Variants in HDGFL2 observed in about 807,000 individuals in gnomAD.
HDGFL2 encodes the protein hepatoma-derived growth factor-related protein 2.
HDGFL2 carries 36 observed loss-of-function variants against 77.1 expected under a neutral mutation model. The observed-to-expected ratio is 0.47, with a 90% confidence interval of 0.36 to 0.62. HDGFL2 has a LOEUF of 0.62. Among genes scored for constraint, HDGFL2 ranks in the 20% least tolerant of loss-of-function variants. The pLI is 0.00. For synonymous variants in HDGFL2, 463 were observed against 413.1 expected (o/e 1.12, Z -1.46); for missense variants, 976 against 973.4 (o/e 1.00, Z -0.04).
intron 3 of HDGFL2, among the ~76,000 whole-genome samples, chr19:4,482,330 C>T (rs1415587027): frequency 1.3e-5 from 2 of 152,034 alleles, no homozygotes; most frequent in East Asian, 1.9e-4. Context: ...CTGTCTCAGC[C>T]TCCCAAGTAG....
intron 3 of HDGFL2, among the ~76,000 whole-genome samples, chr19:4,481,018 G>T (rs1193104015): frequency 9.5e-6 from 1 of 104,942 alleles, no homozygotes; most frequent in Non-Finnish European, 2.0e-5. Flanking sequence ...CACCAAACCC[G>T]GCTAATTTTT....
chr19:4,486,146 A>G (rs1361088872), intron 3 of HDGFL2, among the ~76,000 whole-genome samples: 1 of 151,888 alleles, frequency 6.6e-6, no homozygotes, highest in Admixed American at 6.6e-5. Context: ...GTGACGGGCA[A>G]TCACTCGGTC....
chr19:4,483,443 C>G (rs988589634), intron 3 of HDGFL2, among the ~76,000 whole-genome samples: 5 of 152,328 alleles, frequency 3.3e-5, no homozygotes, highest in South Asian at 2.1e-4. Context: ...CCTGGCCCCC[C>G]CTCTTGACCA....
intron 3 of HDGFL2, among the ~76,000 whole-genome samples, chr19:4,476,317 C>T (rs759668876): frequency 2.7e-5 from 4 of 146,926 alleles, no homozygotes; most frequent in African/African-American, 1.0e-4. Context: ...CTCAGACGCC[C>T]GAGTTGCTGG....
chr19:4,494,030 G>A lies in HDGFL2; in HGVS notation c.887G>A (p.Arg296Gln), dbSNP rs764361519. Residue 296 changes from arginine to glutamine, a missense_variant, in exon 8 of 16, where the codon CGG becomes CAG. Arg to Gln is a conservative substitution (Grantham distance 43). Transcript: ENST00000616600. ...CGAGGGCGGAAACCGAAGCCTGAAC[G>A]GCCTCCGTCCAGCTCCAGCAGTGAC... Reference protein sequence around the residue: ...KPRGRKPKPERPPSSSSSDSD... With the variant: ...KPRGRKPKPEQPPSSSSSDSD... 19 of 1,610,946 alleles carry A rather than the reference G, an allele frequency of 1.2e-5. No individual in the cohort carries two copies. The highest frequency in any genetic ancestry group is 2.7e-5 in the African/African-American group (2 of 74,910).
chr19:4,500,948 G>C (rs1226854480), intron 14 of HDGFL2, among the ~76,000 whole-genome samples: 1 of 152,184 alleles, frequency 6.6e-6, no homozygotes, highest in East Asian at 1.9e-4. Context: ...TCTCAGGGCT[G>C]CCCACGTTCC....
At chr19:4,495,033 A>T (rs770939168) in intron 9 of HDGFL2, among the ~76,000 whole-genome samples, 1 of 152,030 alleles carries the variant, frequency 6.6e-6, no homozygotes, top group Non-Finnish European at 1.5e-5. Context: ...TTCTCTTTTA[A>T]ATAGAGTAGA....
chr19:4,498,679 G>A (rs903998543), intron 12 of HDGFL2, 135 bp from the exon 13 acceptor site: 16 of 644,436 alleles, frequency 2.5e-5, no homozygotes, highest in African/African-American at 1.3e-4. Flanking sequence ...CTGGACGGGG[G>A]CTGAGGGGAG....
intron 10 of HDGFL2, chr19:4,496,815 G>A: frequency 2.6e-6 from 1 of 384,688 alleles, no homozygotes; most frequent in Admixed American, 3.3e-5. Flanking sequence ...CCGGCCTAGG[G>A]GTTTGCATCT....
At position 4,501,960 on chromosome 19, in the gene HDGFL2, G is replaced by C; in HGVS notation, c.1966G>C (p.Glu656Gln). 6.6e-7 allele frequency: 1 copy of C among 1,504,056 alleles called. No individual in the cohort carries two copies. Among genetic ancestry groups the C allele is most frequent in the Non-Finnish European group, 8.8e-7 (1 of 1,132,712 alleles). The allele number at this position is 1,504,056 out of a possible 1,614,324, so 93.2% of individuals were successfully genotyped here. ...GGACAGGCCTGGGAGCGACCGGCAG[G>C]AGCGCGAGAGGGCACGGGGGGACTC... ...DLDRPGSDRQ[E>Q]RERARGDSEA... The change falls in exon 16 of 16, where the codon GAG (glutamate) becomes CAG (glutamine). Residue 656 changes from glutamate (E) to glutamine (Q), a missense_variant. By Grantham distance (29) the Glu-to-Gln change is conservative. Transcript: ENST00000616600.
In HDGFL2 at chr19:4,494,492, C is replaced by T; in HGVS notation, c.1224+17C>T. ...GAGAGAGAGGTGAGCCGGGAGGGCGCCGGGAGTCCCTGCCTTCACTCCACA... is the reference window on the plus strand; with the variant it reads ...GAGAGAGAGGTGAGCCGGGAGGGCGTCGGGAGTCCCTGCCTTCACTCCACA... On this transcript the variant is annotated intron_variant, in intron 9 of 15. Coordinates refer to ENST00000616600, the MANE Select transcript of HDGFL2 (RefSeq NM_001001520.3). 7.3e-7 allele frequency: 1 copy of T among 1,367,418 alleles called. No homozygotes were observed. The highest frequency in any genetic ancestry group is 9.4e-7 in the Non-Finnish European group (1 of 1,063,906). The allele number at this position is 1,367,418 out of a possible 1,614,324, so 84.7% of individuals were successfully genotyped here. A position where few individuals can be genotyped will look rare whatever the true frequency, so the allele number is the denominator to read the frequency against.
chr19:4,475,769 C>T (rs1366581071), intron 3 of HDGFL2, among the ~76,000 whole-genome samples, 186 bp downstream of exon 3: 1 of 152,158 alleles, frequency 6.6e-6, no homozygotes, highest in African/African-American at 2.4e-5. Flanking sequence ...GCCAAGGCCA[C>T]CCCCACCCCA....
intron 9 of HDGFL2, among the ~76,000 whole-genome samples, chr19:4,495,898 G>T (rs889144607): frequency 6.6e-6 from 1 of 152,160 alleles, no homozygotes; most frequent in Non-Finnish European, 1.5e-5. Flanking sequence ...GTCTCACCTA[G>T]ACTGAGTGCC....
intron 3 of HDGFL2, among the ~76,000 whole-genome samples, chr19:4,479,425 A>AAAAATACAGAAAGTTAGCCGGGCGTGG (rs1166515787): frequency 3.3e-5 from 5 of 151,754 alleles, no homozygotes; most frequent in African/African-American, 4.8e-5. Context: ...CTACTAAAAA[A>AAAAATACAGAAAGTTAGCCGGGCGTGG]AAAATACAGA....
chr19:4,487,255 C>T (rs539856843), intron 3 of HDGFL2, among the ~76,000 whole-genome samples: 2 of 152,174 alleles, frequency 1.3e-5, no homozygotes, highest in East Asian at 1.9e-4. Flanking sequence ...CGTGAGCCAC[C>T]GCACCCGGGT....
intron 9 of HDGFL2, among the ~76,000 whole-genome samples, chr19:4,495,945 C>T (rs1424164751): frequency 6.6e-6 from 1 of 152,156 alleles, no homozygotes; most frequent in Middle Eastern, 3.2e-3. Flanking sequence ...GCCAGGCCTG[C>T]CTTCTTTGGG....
chr19:4,478,256 G>A (rs1424557235), intron 3 of HDGFL2, among the ~76,000 whole-genome samples: 1 of 150,368 alleles, frequency 6.7e-6, no homozygotes, highest in Non-Finnish European at 1.5e-5. Context: ...AGGCTGGAGT[G>A]CAGTGGTGTG....
rs1405733993 is a variant in HDGFL2, at chr19:4,492,193, TTCTG to T, written c.678+362_678+365del. On this transcript the variant is annotated intron_variant, in intron 6 of 15. Transcript: ENST00000616600. The stretch of plus-strand genomic sequence containing the variant: ...TATATGAGCGGATTGTGTGTGTGTG[TTCTG>T]TCTCTGTGCACGTGTGTCGACGTGC... 1.6e-4 allele frequency among the ~76,000 whole-genome samples: 25 copies of T among 152,126 alleles called. No homozygotes were observed. The East Asian group carries it at 4.6e-3, about 28-fold the overall frequency.
intron 10 of HDGFL2, chr19:4,497,671 TAGAC>T (rs1233343857): frequency 2.1e-6 from 1 of 484,200 alleles, no homozygotes; most frequent in Non-Finnish European, 3.7e-6. Flanking sequence ...CTGACTCTGG[TAGAC>T]AAAGCCAGCC....
Sources: allele counts gnomAD v4.1 joint callset (sites outside exome capture counted in the v4.1 genomes callset), GRCh38; gene constraint gnomAD v4.1.1; transcripts MANE v1.5; gene names NCBI Gene and HGNC (gene_info 2026-07-23, HGNC 2026-07-21).